Variants in IFT140 observed in about 807,000 individuals in gnomAD.
IFT140 encodes intraflagellar transport 140.
In IFT140, 133 loss-of-function variants were observed where a neutral mutation model predicts 164.6. That is an observed-to-expected ratio of 0.81 (90% CI 0.70 to 0.93). IFT140 has a LOEUF of 0.93. Ranked by LOEUF, IFT140 falls within the 40% of genes least tolerant of loss-of-function variation. The pLI, the probability that IFT140 is intolerant of heterozygous loss-of-function variation, is 0.00. For missense variants in IFT140, 2,045 were observed against 1,972.3 expected, an observed-to-expected ratio of 1.04 and a Z score of -0.70; for synonymous variants, 860 against 817.3, an observed-to-expected ratio of 1.05 and a Z score of -0.89.
rs757730467 is a variant in IFT140 at position 1,588,033 on chromosome 16, G to A, written c.811-9C>T. 6.2e-7 allele frequency: 1 copy of A among 1,612,712 alleles called. No homozygotes were observed. The highest frequency in any genetic ancestry group is 2.2e-5 in the East Asian group (1 of 44,856). ...TTCCCGCTCAGCTTGACCTGTGTGA[G>A]GAAACAACCGAGCAGAGGCACCGTG... On this transcript the variant is annotated splice_polypyrimidine_tract_variant and intron_variant, in intron 7 of 30. Transcript: ENST00000426508.
intron 12 of IFT140, among the ~76,000 whole-genome samples, 177 bp downstream of exon 12, chr16:1,583,137 G>A (rs2034667028): frequency 6.6e-6 from 1 of 152,184 alleles, no homozygotes. Context: ...GCCCCAGGAT[G>A]CACTGGCAGC....
At chr16:1,540,951 G>C (rs2031575242) in intron 19 of IFT140, 1 of 985,256 alleles carries the variant, frequency 1.0e-6, no homozygotes, top group Non-Finnish European at 1.2e-6. Context: ...AGCGTGCAGG[G>C]GCCTGGGAAC....
intron 25 of IFT140, 25 bp downstream of exon 25, chr16:1,523,803 G>T (rs1244982086): frequency 6.2e-7 from 1 of 1,609,560 alleles, no homozygotes; most frequent in Non-Finnish European, 8.5e-7. Flanking sequence ...CCTCCCCCAG[G>T]TCCCCACCGG....
At position 1,587,239 on chromosome 16, in the gene IFT140, T is replaced by C; in HGVS notation, c.968A>G (p.Lys323Arg). The C allele has an allele frequency of 6.2e-7, 1 of 1,613,038 alleles. No homozygotes were observed. The highest frequency in any genetic ancestry group is 8.5e-7 in the Non-Finnish European group (1 of 1,179,042). ...LSPDEKFGFE[K>R]GENMNCVCYC... The stretch of plus-strand genomic sequence containing the variant: ...ACACACACAGTTCATATTCTCTCCT[T>C]TCTCAAAGCCAAACTTCTCATCTGG... The change falls in exon 9 of 31, where the codon AAA (lysine) becomes AGA (arginine). Residue 323 changes from lysine to arginine, a missense_variant. Lys to Arg is a conservative substitution (Grantham distance 26). Transcript: ENST00000426508.
intron 19 of IFT140, chr16:1,554,903 C>T (rs1476430331): frequency 1.9e-6 from 3 of 1,614,244 alleles, no homozygotes; most frequent in Non-Finnish European, 1.7e-6. Context: ...CAGCCATGCT[C>T]ATCTGGAACA....
intron 19 of IFT140, among the ~76,000 whole-genome samples, chr16:1,529,910 C>T (rs76955631): frequency 2.0e-3 from 297 of 152,192 alleles, no homozygotes; most frequent in African/African-American, 6.6e-3. Flanking sequence ...ATCTGAATCT[C>T]AAAAGAAACA....
chr16:1,610,661 C>G lies in IFT140; in HGVS notation c.-32+3G>C, dbSNP rs1367820950. ...CGGCCGCCCTAGCCCTAAGGCCACTCACCTCTGCCAGGCCGCTGAGCCGCC... is the reference window on the plus strand; with the variant it reads ...CGGCCGCCCTAGCCCTAAGGCCACTGACCTCTGCCAGGCCGCTGAGCCGCC... On this transcript the variant is annotated splice_donor_region_variant and intron_variant, in intron 2 of 30. Transcript: ENST00000426508. 1.3e-5 allele frequency: 2 copies of G among 152,402 alleles called. No homozygotes were observed. The highest frequency in any genetic ancestry group is 2.9e-5 in the Non-Finnish European group (2 of 68,108). The allele number at this position is 152,402 out of a possible 1,614,324, so 9.4% of individuals were successfully genotyped here.
At position 1,571,671 on chromosome 16, in the gene IFT140, CCACT is replaced by C. The variant is rs746726105; in HGVS notation, c.1525-141_1525-138del. ...TTGTTCACAGATAACCTTGTACACT[CCACT>C]CATTCACTCGCTCAGTGTTTACTGA... On this transcript the variant is annotated intron_variant, in intron 13 of 30. Transcript: ENST00000426508. 2.0e-3 allele frequency: 1,829 copies of C among 927,988 alleles called. 5 individuals carry two copies. Among genetic ancestry groups the C allele is most frequent in the Admixed American group, 2.6e-3 (97 of 37,092 alleles). The allele number at this position is 927,988 out of a possible 1,614,324, so 57.5% of individuals were successfully genotyped here. A position where few individuals can be genotyped will look rare whatever the true frequency, so the allele number is the denominator to read the frequency against.
Position 1,542,651 on chromosome 16 carries a change from G to A in IFT140, c.2399+15284C>T, listed in dbSNP as rs1181272773. 2.6e-5 allele frequency among the ~76,000 whole-genome samples: 4 copies of A among 152,378 alleles called. No homozygotes were observed. The East Asian group carries it at 7.7e-4, about 29-fold the overall frequency. The stretch of plus-strand genomic sequence containing the variant: ...CCGTGAGCGGGACAAGACAGAGTGA[G>A]AACACGCTAGCACGTTCCACACTGC... On this transcript the variant is annotated intron_variant, in intron 19 of 30. Coordinates refer to ENST00000426508, the MANE Select transcript of IFT140 (RefSeq NM_014714.4).
intron 19 of IFT140, among the ~76,000 whole-genome samples, chr16:1,538,438 C>T (rs533227990): frequency 6.6e-6 from 1 of 152,294 alleles, no homozygotes; most frequent in Non-Finnish European, 1.5e-5. Context: ...TGCAGCTGTG[C>T]CTGGTGCTCA....
At chr16:1,588,104 G>T in intron 7 of IFT140, 80 bp from the exon 8 acceptor site, 1 of 1,133,952 alleles carries the variant, frequency 8.8e-7, no homozygotes, top group Non-Finnish European at 1.3e-6. Context: ...GGAGTCTCTG[G>T]TCCTCAGTGA....
intron 26 of IFT140, among the ~76,000 whole-genome samples, chr16:1,522,021 G>A (rs1371432592): frequency 6.6e-6 from 1 of 151,452 alleles, no homozygotes; most frequent in African/African-American, 2.4e-5. Flanking sequence ...TCAGGAGTTC[G>A]AGACCAGCCT....
intron 19 of IFT140, among the ~76,000 whole-genome samples, chr16:1,550,378 A>G (rs1454015375): frequency 6.6e-6 from 1 of 152,258 alleles, no homozygotes; most frequent in African/African-American, 2.4e-5. Context: ...ACCCATTCTA[A>G]TGCTCTAAAC....
chr16:1,608,271 A>G (rs2036175074), intron 2 of IFT140, among the ~76,000 whole-genome samples: 1 of 152,196 alleles, frequency 6.6e-6, no homozygotes, highest in Non-Finnish European at 1.5e-5. Context: ...GTTACTGCTC[A>G]CTTTTTTACA....
At chr16:1,594,589 G>C (rs1344384179) in intron 4 of IFT140, among the ~76,000 whole-genome samples, 2 of 152,234 alleles carry the variant, frequency 1.3e-5, no homozygotes, top group African/African-American at 4.8e-5. Context: ...GTTTCCTGGA[G>C]AATGGGGTAA....
chr16:1,575,972 A>T (rs2034253176), intron 13 of IFT140, among the ~76,000 whole-genome samples: 1 of 152,108 alleles, frequency 6.6e-6, no homozygotes, highest in African/African-American at 2.4e-5. Flanking sequence ...GCCCACTTAC[A>T]TGAACTTCTT....
At chr16:1,575,391 A>C (rs543472413) in intron 13 of IFT140, among the ~76,000 whole-genome samples, 1 of 147,744 alleles carries the variant, frequency 6.8e-6, no homozygotes, top group Non-Finnish European at 1.5e-5. Context: ...AATAAATAAA[A>C]ATGAAAATAA....
At position 1,523,884 on chromosome 16, in the gene IFT140, G is replaced by A. The variant is rs1432688490; in HGVS notation, c.3214C>T (p.Arg1072Ter). 8 of 1,613,366 alleles carry A rather than the reference G, an allele frequency of 5.0e-6. No individual in the cohort carries two copies. The highest frequency in any genetic ancestry group is 2.7e-5 in the African/African-American group (2 of 74,922). ...SSPEDMIEAA[R>*]YYEEKGVQMD... ...TGCACGCCCTTCTCCTCGTAGTATC[G>A]GGCCGCCTCGATCATGTCCTCGGGG... Residue 1072 changes from arginine to a stop codon, truncating the protein, a stop_gained, in exon 25 of 31, where the codon CGA becomes TGA. Coordinates refer to ENST00000426508, the MANE Select transcript of IFT140 (RefSeq NM_014714.4). LOFTEE classifies it high-confidence loss of function.
At chr16:1,548,226 C>G (rs1002998920) in intron 19 of IFT140, among the ~76,000 whole-genome samples, 3 of 152,154 alleles carry the variant, frequency 2.0e-5, no homozygotes, top group African/African-American at 7.2e-5. Context: ...CATAGATTCT[C>G]TTTAGAGCCA....
Sources: gnomAD v4.1 joint callset for allele counts (sites outside exome capture counted in the v4.1 genomes callset) on GRCh38, gnomAD v4.1.1 for gene constraint, MANE v1.5 for transcripts, NCBI Gene and HGNC (gene_info 2026-07-23, HGNC 2026-07-21) for gene names.